GON4L: variants seen among roughly 807,000 people sequenced by gnomAD.
The protein encoded by GON4L is GON-4-like protein.
Under a neutral mutation model 211.8 loss-of-function variants are expected in GON4L, and 87 were observed. That is an observed-to-expected ratio of 0.41 (90% CI 0.35 to 0.49). GON4L has a LOEUF of 0.49. Ranked by LOEUF, GON4L falls within the 20% of genes least tolerant of loss-of-function variation. GON4L has a pLI of 0.15. For synonymous variants in GON4L, 875 were observed against 962.6 expected (o/e 0.91, Z 1.68); for missense variants, 2,155 against 2,659.5 (o/e 0.81, Z 4.17).
chr1:155,830,638 G>T (rs568163132), intron 2 of GON4L, among the ~76,000 whole-genome samples: 2 of 152,236 alleles, frequency 1.3e-5, no homozygotes, highest in African/African-American at 4.8e-5. Context: ...CTAGGCTGAA[G>T]TGCAGTGGTA....
chr1:155,845,496 G>T, intron 2 of GON4L: 1 of 340,946 alleles, frequency 2.9e-6, no homozygotes, highest in South Asian at 2.5e-5. Flanking sequence ...GTGCTTTTGC[G>T]GTCATGGCAA....
chr1:155,791,083 G>A (rs975456025), intron 12 of GON4L, among the ~76,000 whole-genome samples: 8 of 151,512 alleles, frequency 5.3e-5, no homozygotes, highest in African/African-American at 1.9e-4. Context: ...CCAACATGGT[G>A]AAACCTCTTC....
In GON4L at chr1:155,814,407, G is replaced by C; in HGVS notation, c.1204C>G (p.Arg402Gly). ...CTCAATCTGGATTTCTTTGCCCCAC[G>C]TGGAGATGAAGCAGTGCTTTCAACA... ...SDVESTASSP[R>G]GAKKSRLRQS... The change falls in exon 9 of 32, where the codon CGT (arginine) becomes GGT (glycine). Residue 402 changes from arginine (R) to glycine (G), a missense_variant. Arg to Gly is a moderately radical substitution (Grantham distance 125). Coordinates refer to ENST00000368331, the MANE Select transcript of GON4L (RefSeq NM_001282860.2). The C allele has an allele frequency of 6.2e-7, 1 of 1,612,888 alleles. No homozygotes were observed. The highest frequency in any genetic ancestry group is 8.5e-7 in the Non-Finnish European group (1 of 1,178,948).
At chr1:155,854,677 T>G (rs1055818429) in intron 1 of GON4L, among the ~76,000 whole-genome samples, 3 of 152,204 alleles carry the variant, frequency 2.0e-5, no homozygotes, top group African/African-American at 7.2e-5. Flanking sequence ...TATTGCTGTT[T>G]TCATAAACAG....
At position 155,766,101 on chromosome 1, in the gene GON4L, T is replaced by C. The variant is rs1174392452; in HGVS notation, c.3372A>G (p.Gly1124=). The C allele has an allele frequency of 2.5e-6, 4 of 1,614,116 alleles. No individual in the cohort carries two copies. In the South Asian group the frequency reaches 4.4e-5, roughly 18 times the overall value. ...GTTTCATACAGGGAGAGGCCTTGAC[T>C]CCTCTTCTCTTTGAGGGTCTCCGTC... is the stretch of plus-strand genomic sequence containing the variant. The part of the protein sequence containing the change: ...YVRRRPSKRR[G]VKASPCMKPA... Residue 1124 remains glycine (G), a synonymous_variant, in exon 21 of 32, where the codon GGA becomes GGG. Transcript: ENST00000368331.
At chr1:155,792,020 T>A (rs1198287768) in intron 12 of GON4L, among the ~76,000 whole-genome samples, 1 of 152,104 alleles carries the variant, frequency 6.6e-6, no homozygotes, top group Non-Finnish European at 1.5e-5. Context: ...AAGGAAAGTA[T>A]CTGAATTTGC....
In GON4L at chr1:155,766,247, G is replaced by A; in HGVS notation, c.3226C>T (p.Pro1076Ser). Residue 1076 changes from proline (P) to serine (S), a missense_variant, in exon 21 of 32, where the codon CCC becomes TCC. Coordinates refer to ENST00000368331, the MANE Select transcript of GON4L (RefSeq NM_001282860.2). The stretch of plus-strand genomic sequence containing the variant: ...GGGAAGCTTGTCCTGGCCTCAGGGG[G>A]CACAGCAGGCAGTGCTGCAGGAGAC... ...FESPAALPAV[P>S]PEARTSFPLS... The A allele has an allele frequency of 6.2e-7, 1 of 1,614,144 alleles. No homozygotes were observed. Among genetic ancestry groups the A allele is most frequent in the Non-Finnish European group, 8.5e-7 (1 of 1,180,030 alleles).
At chr1:155,845,488 G>C in intron 2 of GON4L, 1 of 345,884 alleles carries the variant, frequency 2.9e-6, no homozygotes, top group Non-Finnish European at 5.8e-6. Flanking sequence ...TTCTTCATGT[G>C]CTTTTGCGGT....
chr1:155,810,336 A>T (rs917711970), intron 10 of GON4L, among the ~76,000 whole-genome samples: 1 of 152,002 alleles, frequency 6.6e-6, no homozygotes, highest in African/African-American at 2.4e-5. Context: ...TTAAATTATT[A>T]TATCATACTT....
intron 28 of GON4L, chr1:155,754,096 G>A (rs1216579402): frequency 6.7e-6 from 3 of 449,592 alleles, no homozygotes; most frequent in Middle Eastern, 6.6e-4. Context: ...CTATTTTCAC[G>A]ACAGAGGTTT....
intron 10 of GON4L, among the ~76,000 whole-genome samples, chr1:155,806,341 T>G (rs1263941785): frequency 6.6e-6 from 1 of 151,576 alleles, no homozygotes; most frequent in Non-Finnish European, 1.5e-5. Flanking sequence ...TTAGTAGAAA[T>G]GGGGTTGGCC....
In GON4L at chr1:155,785,328, A is replaced by T; in HGVS notation, c.1788+6T>A. 6.4e-7 allele frequency: 1 copy of T among 1,562,290 alleles called. No homozygotes were observed. The highest frequency in any genetic ancestry group is 8.8e-7 in the Non-Finnish European group (1 of 1,132,532). On this transcript the variant is annotated splice_donor_region_variant and intron_variant, in intron 13 of 31. Coordinates refer to ENST00000368331, the MANE Select transcript of GON4L (RefSeq NM_001282860.2). ...CCCGTGTTCTCACTCGAGGATCATTACTCACAGTTTCAAACAGCTCTTCCA... is the reference window on the plus strand; with the variant it reads ...CCCGTGTTCTCACTCGAGGATCATTTCTCACAGTTTCAAACAGCTCTTCCA...
At chr1:155,764,643 G>A (rs1348197360) in intron 21 of GON4L, 6 of 534,466 alleles carry the variant, frequency 1.1e-5, no homozygotes, top group South Asian at 4.2e-5. Context: ...GTTTTACCAC[G>A]TCGGCCAGGC....
upstream of GON4L, among the ~76,000 whole-genome samples, chr1:155,857,843 G>C (rs187520599): frequency 6.6e-6 from 1 of 152,224 alleles, no homozygotes; most frequent in East Asian, 1.9e-4. Context: ...ATTACAAATA[G>C]TGCAGGCTCC....
At chr1:155,780,085 CA>C (rs1336914607) in intron 14 of GON4L, among the ~76,000 whole-genome samples, 1 of 152,052 alleles carries the variant, frequency 6.6e-6, no homozygotes, top group Non-Finnish European at 1.5e-5. Context: ...AGGCGTGAGC[CA>C]CTGCACCCAG....
chr1:155,791,326 A>G (rs760796449), intron 12 of GON4L, among the ~76,000 whole-genome samples: 3 of 151,960 alleles, frequency 2.0e-5, no homozygotes, highest in Non-Finnish European at 2.9e-5. Flanking sequence ...TTCTATATAT[A>G]TTTTTAAATT....
intron 12 of GON4L, among the ~76,000 whole-genome samples, chr1:155,791,331 T>A (rs1665528844): frequency 6.6e-6 from 1 of 152,020 alleles, no homozygotes; most frequent in Non-Finnish European, 1.5e-5. Context: ...TATATATTTT[T>A]AAATTTCATA....
Position 155,795,096 on chromosome 1 carries a change from T to C in GON4L, c.1701A>G (p.Glu567=). ...PEYNFLEDLD[E]PDTEDFRTDR... ...CAGTCCGGAAATCCTCTGTGTCTGGTTCATCGAGGTCTTCCAGGAAATTAT... is the reference window on the plus strand; with the variant it reads ...CAGTCCGGAAATCCTCTGTGTCTGGCTCATCGAGGTCTTCCAGGAAATTAT... Residue 567 remains glutamate (E), a synonymous_variant, in exon 12 of 32, where the codon GAA becomes GAG. Transcript: ENST00000368331. 3 of 1,610,958 alleles carry C rather than the reference T, an allele frequency of 1.9e-6. No individual in the cohort carries two copies. Among genetic ancestry groups the C allele is most frequent in the Non-Finnish European group, 2.5e-6 (3 of 1,177,080 alleles).
At chr1:155,770,215 A>G (rs1194721600) in intron 19 of GON4L, among the ~76,000 whole-genome samples, 1 of 151,956 alleles carries the variant, frequency 6.6e-6, no homozygotes, top group African/African-American at 2.4e-5. Flanking sequence ...CTTTCTCAAG[A>G]AAAAAACAAA....
Sources: gnomAD v4.1 joint callset for allele counts (sites outside exome capture counted in the v4.1 genomes callset) on GRCh38, gnomAD v4.1.1 for gene constraint, MANE v1.5 for transcripts, NCBI Gene and HGNC (gene_info 2026-07-23, HGNC 2026-07-21) for gene names.